CCDC40: variants seen among roughly 807,000 people sequenced by gnomAD.
CCDC40 encodes the protein coiled-coil domain 40 molecular ruler complex subunit.
CCDC40 carries 104 observed loss-of-function variants against 124.5 expected under a neutral mutation model. The observed-to-expected ratio is 0.84, with a 90% CI of 0.71 to 0.98. The LOEUF (loss-of-function observed/expected upper bound fraction) is 0.98. Among genes scored for constraint, CCDC40 ranks in the 50% least tolerant of loss-of-function variants. CCDC40 has a pLI of 0.00. For synonymous variants in CCDC40, 580 were observed against 602.9 expected (o/e 0.96, Z 0.56); for missense variants, 1,463 against 1,503.9 (o/e 0.97, Z 0.45).
intron 3 of CCDC40, among the ~76,000 whole-genome samples, chr17:80,041,227 G>A (rs1465921223): frequency 2.0e-5 from 3 of 152,148 alleles, no homozygotes; most frequent in African/African-American, 7.2e-5. Flanking sequence ...TAGAAATTGG[G>A]TCGGGCATGG....
Position 80,081,585 on chromosome 17 carries a change from T to C in CCDC40, c.1602T>C (p.Ile534=). 6.2e-7 allele frequency: 1 copy of C among 1,613,896 alleles called. No individual in the cohort carries two copies. The highest frequency in any genetic ancestry group is 8.5e-7 in the Non-Finnish European group (1 of 1,180,020). The part of the protein sequence containing the change: ...QHQAKSTDGE[I]EAYKKSIMKE... The stretch of plus-strand genomic sequence containing the variant: ...AAGCCAAATCCACCGACGGCGAGAT[T>C]GAGGCCTATAAGAAATCCATCATGA... Residue 534 remains isoleucine, a synonymous_variant, in exon 11 of 20, where the codon ATT becomes ATC. Transcript: ENST00000397545.
rs375907512 is a variant in CCDC40 at position 80,099,824 on chromosome 17, A to G, written c.*49A>G. On this transcript the variant is annotated 3_prime_UTR_variant, in exon 20 of 20. Transcript: ENST00000397545. ...CAAGGCCTCCAGGAAGAGATCCGGA[A>G]TTGTGTTTGTCATGAGGGACTTGGA... 1 of 1,601,562 alleles carries G rather than the reference A, an allele frequency of 6.2e-7. No homozygotes were observed.
chr17:80,087,954 C>G lies in CCDC40; in HGVS notation c.2620-57C>G. ...GTGCCGGGATAGAGGGCACCAGCCCCGGCATCCACAATCCCATGGCCCTCC... is the reference window on the plus strand; with the variant it reads ...GTGCCGGGATAGAGGGCACCAGCCCGGGCATCCACAATCCCATGGCCCTCC... On this transcript the variant is annotated intron_variant, in intron 15 of 19. Transcript: ENST00000397545. This position sits in a 1 kb window ranked among gnomAD's most constrained non-coding sequence, Gnocchi z 4.5. 3 of 1,406,378 alleles carry G rather than the reference C, an allele frequency of 2.1e-6. No homozygotes were observed. Among genetic ancestry groups the G allele is most frequent in the South Asian group, 1.1e-5 (1 of 87,014 alleles). The allele number at this position is 1,406,378 out of a possible 1,614,324, so 87.1% of individuals were successfully genotyped here.
rs1366835143 is a variant in CCDC40 at position 80,099,972 on chromosome 17, T to C, written c.*197T>C. On this transcript the variant is annotated 3_prime_UTR_variant, in exon 20 of 20. Transcript: ENST00000397545. Reference sequence around the variant, plus strand: ...CAATTTAATAAACCAGGTAAAATCCTAGCGTTTCCCATGGCATCCCATCGC... The same window carrying C: ...CAATTTAATAAACCAGGTAAAATCCCAGCGTTTCCCATGGCATCCCATCGC... 2 of 629,460 alleles carry C rather than the reference T, an allele frequency of 3.2e-6. No individual in the cohort carries two copies. The highest frequency in any genetic ancestry group is 3.7e-5 in the African/African-American group (2 of 54,442). 39.0% of individuals were successfully genotyped at this position (629,460 alleles called of 1,614,324 possible).
At position 80,074,182 on chromosome 17, in the gene CCDC40, G is replaced by A. The variant is rs539746102; in HGVS notation, c.1563-7364G>A. ...AAAGAAAGGGAAGCAGCCTAATTGC[G>A]CGTCTGGAGAAAGTTCAGGTGGTAT... On this transcript the variant is annotated intron_variant, in intron 10 of 19. Coordinates refer to ENST00000397545, the MANE Select transcript of CCDC40 (RefSeq NM_017950.4). Among the ~76,000 whole-genome samples, 56 of 152,298 alleles carry A rather than the reference G, an allele frequency of 3.7e-4. 1 individual carries two copies. The highest frequency in any genetic ancestry group is 1.2e-3 in the African/African-American group (51 of 41,576).
intron 10 of CCDC40, among the ~76,000 whole-genome samples, chr17:80,075,731 G>A (rs1256013770): frequency 1.3e-5 from 2 of 151,586 alleles, no homozygotes; most frequent in Admixed American, 6.6e-5. Flanking sequence ...TGCCTGCCTC[G>A]GCCTCCCAAA....
At chr17:80,037,688 A>AAAAAAATATATAT in intron 1 of CCDC40, among the ~76,000 whole-genome samples, 3 of 45,676 alleles carry the variant, frequency 6.6e-5, no homozygotes, top group African/African-American at 1.8e-4. Context: ...TTTTTTAAAA[A>AAAAAAATATATAT]AGATATACAT....
At chr17:80,072,837 G>A (rs553824433) in intron 10 of CCDC40, among the ~76,000 whole-genome samples, 1 of 152,284 alleles carries the variant, frequency 6.6e-6, no homozygotes, top group East Asian at 1.9e-4. Context: ...ATGGACATTT[G>A]GCTTTTACCT....
intron 7 of CCDC40, among the ~76,000 whole-genome samples, chr17:80,051,626 C>T (rs1458626266): frequency 4.2e-5 from 2 of 47,062 alleles, no homozygotes; most frequent in African/African-American, 2.1e-4. Context: ...GAGACTCCGT[C>T]TCAAAAAAAA....
intron 10 of CCDC40, among the ~76,000 whole-genome samples, chr17:80,072,984 T>TTTTG (rs57139196): frequency 0.47 from 69,463 of 148,810 alleles, 16,442 homozygotes; most frequent in Middle Eastern, 0.63. Context: ...GTGGAATCGC[T>TTTTG]TTTGTTTGTT....
chr17:80,086,309 C>T lies in CCDC40; in HGVS notation c.2449+93C>T, dbSNP rs912202024. The T allele has an allele frequency of 3.1e-5, 33 of 1,047,884 alleles. No homozygotes were observed. The African/African-American group carries it at 4.1e-4, about 13-fold the overall frequency. The allele number at this position is 1,047,884 out of a possible 1,614,324, so 64.9% of individuals were successfully genotyped here. Reference sequence around the variant, plus strand: ...GGGAGGGGCACTCAGTGGGGCACGTCGCTGGATTTGCACGCAGCCTTAAAA... The same window carrying T: ...GGGAGGGGCACTCAGTGGGGCACGTTGCTGGATTTGCACGCAGCCTTAAAA... On this transcript the variant is annotated intron_variant, in intron 14 of 19. Coordinates refer to ENST00000397545, the MANE Select transcript of CCDC40 (RefSeq NM_017950.4). This position sits in a 1 kb window ranked among gnomAD's most constrained non-coding sequence, Gnocchi z 5.5.
chr17:80,070,937 TC>T (rs1279134447), intron 10 of CCDC40, among the ~76,000 whole-genome samples: 17 of 152,026 alleles, frequency 1.1e-4, no homozygotes, highest in Middle Eastern at 3.4e-3. Flanking sequence ...GACACTGCCC[TC>T]CCCAGCAGCC....
intron 7 of CCDC40, among the ~76,000 whole-genome samples, chr17:80,056,014 A>ATCTTTTTTTTTTTTTTTTTT (rs1173801732): frequency 7.4e-5 from 1 of 13,452 alleles, no homozygotes; most frequent in African/African-American, 2.7e-4. Context: ...ATATATATAT[A>ATCTTTTTTTTTTTTTTTTTT]TATTTTTTTT....
rs892415539 is a variant in CCDC40 at position 80,089,198 on chromosome 17, A to G, written c.2712-566A>G. Among the ~76,000 whole-genome samples, 3 of 152,170 alleles carry G rather than the reference A, an allele frequency of 2.0e-5. No individual in the cohort carries two copies. In the South Asian group the frequency reaches 6.2e-4, roughly 32 times the overall value. ...GAAGCACTTTAGTATTTTCATGGCC[A>G]TCTTTCCGTGTCACACACGTGGGCC... On this transcript the variant is annotated intron_variant, in intron 16 of 19. Transcript: ENST00000397545.
Position 80,087,393 on chromosome 17 carries a change from G to A in CCDC40, c.2450-214G>A. ...TCCGTTGGAGGACCAGGCTTTGGGAGCTTAGCAGCCAAAAAGAGACCCCCT... is the reference window on the plus strand; with the variant it reads ...TCCGTTGGAGGACCAGGCTTTGGGAACTTAGCAGCCAAAAAGAGACCCCCT... On this transcript the variant is annotated intron_variant, in intron 14 of 19. Transcript: ENST00000397545. This position sits in a 1 kb window ranked among gnomAD's most constrained non-coding sequence, Gnocchi z 4.5. The A allele has an allele frequency of 1.7e-6, 1 of 595,454 alleles. No individual in the cohort carries two copies. The allele number at this position is 595,454 out of a possible 1,614,324, so 36.9% of individuals were successfully genotyped here.
chr17:80,078,148 G>A (rs888761416), intron 10 of CCDC40, among the ~76,000 whole-genome samples: 41 of 151,984 alleles, frequency 2.7e-4, no homozygotes, highest in Admixed American at 6.6e-4. Context: ...TGGCTAACAC[G>A]GTGAAACCCC....
intron 10 of CCDC40, among the ~76,000 whole-genome samples, chr17:80,079,153 C>T (rs867828096): frequency 6.6e-6 from 1 of 151,848 alleles, no homozygotes; most frequent in Non-Finnish European, 1.5e-5. Context: ...GCCAGGCTTC[C>T]TTTCTCTATT....
At chr17:80,089,167 C>A (rs562861938) in intron 16 of CCDC40, among the ~76,000 whole-genome samples, 2 of 152,300 alleles carry the variant, frequency 1.3e-5, no homozygotes, top group African/African-American at 4.8e-5. Context: ...TCAGAAGTTC[C>A]CCCTTGAAGC....
At chr17:80,092,263 T>G (rs1342229820) in intron 17 of CCDC40, 1 of 152,294 alleles carries the variant, frequency 6.6e-6, no homozygotes, top group African/African-American at 2.4e-5. Flanking sequence ...CTCAAACTTC[T>G]GAGCTCAGGC....
Sources: allele counts gnomAD v4.1 joint callset (sites outside exome capture counted in the v4.1 genomes callset), GRCh38; gene constraint gnomAD v4.1.1; non-coding constraint Gnocchi (gnomAD v3.1); transcripts MANE v1.5; gene names NCBI Gene and HGNC (gene_info 2026-07-23, HGNC 2026-07-21).